Variants in CDH13 observed in about 807,000 individuals in gnomAD.
CDH13 encodes cadherin-13.
Under a neutral mutation model 63.8 loss-of-function variants are expected in CDH13, and 24 were observed. That is an observed-to-expected ratio of 0.38 (90% confidence interval 0.27 to 0.53). The LOEUF (loss-of-function observed/expected upper bound fraction) is 0.53. CDH13 is among the 20% of genes least tolerant of loss of function. The probability of loss-of-function intolerance (pLI) is 0.85; values close to 1 mark genes in which losing one functional copy is unlikely to be tolerated. For synonymous variants in CDH13, 503 were observed against 355.3 expected (o/e 1.42, Z -4.67); for missense variants, 1,049 against 903.1 (o/e 1.16, Z -2.07).
chr16:83,179,288 ATTATCTCC>A (rs1567481865), intron 4 of CDH13, among the ~76,000 whole-genome samples: 1 of 152,072 alleles, frequency 6.6e-6, no homozygotes, highest in Non-Finnish European at 1.5e-5. Context: ...ACTACAAGCT[ATTATCTCC>A]TTAAATCTCT....
intron 2 of CDH13, among the ~76,000 whole-genome samples, chr16:82,930,583 C>T (rs369135383): frequency 6.4e-4 from 98 of 152,050 alleles, no homozygotes; most frequent in African/African-American, 2.3e-3. Context: ...CTCTTCAGAG[C>T]CATAATTGCA....
At chr16:82,628,535 G>T (rs1907632082) in intron 1 of CDH13, among the ~76,000 whole-genome samples, 1 of 152,142 alleles carries the variant, frequency 6.6e-6, no homozygotes, top group Admixed American at 6.5e-5. Context: ...AGTACCAGGG[G>T]AGATTCAAGT....
At chr16:83,374,644 A>T (rs956603642) in intron 6 of CDH13, among the ~76,000 whole-genome samples, 1 of 152,246 alleles carries the variant, frequency 6.6e-6, no homozygotes, top group Non-Finnish European at 1.5e-5. Context: ...TCGAGGCGGA[A>T]GAAGCTTAAA....
At chr16:82,902,637 A>G (rs552528726) in intron 2 of CDH13, among the ~76,000 whole-genome samples, 8 of 149,168 alleles carry the variant, frequency 5.4e-5, no homozygotes, top group African/African-American at 2.0e-4. Flanking sequence ...CTACAACTCT[A>G]CCTATACATT....
chr16:83,210,955 C>A (rs1321679349), intron 4 of CDH13, among the ~76,000 whole-genome samples: 5 of 151,762 alleles, frequency 3.3e-5, no homozygotes, highest in Non-Finnish European at 7.4e-5. Context: ...TGAGACCATC[C>A]TGGCTAACAC....
intron 3 of CDH13, among the ~76,000 whole-genome samples, chr16:83,042,387 T>G (rs1369726410): frequency 6.6e-6 from 1 of 152,164 alleles, no homozygotes; most frequent in African/African-American, 2.4e-5. Context: ...GAGATCTAGG[T>G]TGCACCCTCC....
At chr16:82,702,183 A>G (rs1335519542) in intron 1 of CDH13, among the ~76,000 whole-genome samples, 6 of 152,014 alleles carry the variant, frequency 3.9e-5, no homozygotes. Context: ...CTTGCCTGAA[A>G]CACCCTCTGT....
chr16:83,311,806 G>A (rs2090006275), intron 5 of CDH13, among the ~76,000 whole-genome samples: 1 of 152,190 alleles, frequency 6.6e-6, no homozygotes, highest in African/African-American at 2.4e-5. Context: ...CAGGTGCAGT[G>A]GCTCACGCCT....
intron 5 of CDH13, among the ~76,000 whole-genome samples, chr16:83,286,498 G>A (rs930551879): frequency 2.6e-5 from 4 of 152,068 alleles, no homozygotes; most frequent in African/African-American, 9.7e-5. Flanking sequence ...CTTCACACCT[G>A]TAATCCCAGC....
At chr16:83,075,612 G>A (rs370717214) in intron 3 of CDH13, among the ~76,000 whole-genome samples, 1 of 152,210 alleles carries the variant, frequency 6.6e-6, no homozygotes, top group African/African-American at 2.4e-5. Flanking sequence ...TTGATGTTCT[G>A]TGTGAGGTGG....
intron 3 of CDH13, among the ~76,000 whole-genome samples, chr16:83,052,424 ATATGT>A (rs2151507139): frequency 6.6e-6 from 1 of 152,346 alleles, no homozygotes; most frequent in South Asian, 2.1e-4. Flanking sequence ...TTCATAGCAA[ATATGT>A]TATGACAAAC....
chr16:83,713,338 C>A (rs1908352024), intron 10 of CDH13, among the ~76,000 whole-genome samples: 1 of 152,202 alleles, frequency 6.6e-6, no homozygotes, highest in African/African-American at 2.4e-5. Context: ...CCTCCCACCC[C>A]ACATTTTTCC....
chr16:82,695,237 A>G (rs977969345), intron 1 of CDH13, among the ~76,000 whole-genome samples: 2 of 152,174 alleles, frequency 1.3e-5, no homozygotes, highest in African/African-American at 4.8e-5. Context: ...AGGGAGATAC[A>G]GTATTTAGAG....
intron 7 of CDH13, among the ~76,000 whole-genome samples, chr16:83,561,724 C>T (rs1309760749): frequency 6.6e-6 from 1 of 152,092 alleles, no homozygotes; most frequent in African/African-American, 2.4e-5. Context: ...AGATAATGTA[C>T]CTGAATTTCT....
intron 3 of CDH13, among the ~76,000 whole-genome samples, chr16:83,076,150 A>G (rs1275076061): frequency 6.6e-6 from 1 of 152,206 alleles, no homozygotes; most frequent in East Asian, 1.9e-4. Context: ...AGTGGCCCAT[A>G]TGGGTATCAA....
At chr16:83,709,002 C>A (rs572181993) in intron 10 of CDH13, among the ~76,000 whole-genome samples, 62 of 152,096 alleles carry the variant, frequency 4.1e-4, no homozygotes, top group African/African-American at 1.5e-3. Context: ...CTAGTCTGGG[C>A]AACAGAGCGA....
intron 1 of CDH13, among the ~76,000 whole-genome samples, chr16:82,702,118 C>T (rs1377021629): frequency 6.6e-6 from 1 of 152,178 alleles, no homozygotes; most frequent in Non-Finnish European, 1.5e-5. Flanking sequence ...CTCTAAATGG[C>T]TCCTTTTCTG....
intron 8 of CDH13, among the ~76,000 whole-genome samples, chr16:83,653,087 G>A (rs1005889229): frequency 1.3e-5 from 2 of 152,148 alleles, no homozygotes; most frequent in Non-Finnish European, 2.9e-5. Context: ...TCTATGAAAT[G>A]TCCAGAACAG....
At chr16:82,842,311 G>T (rs977407039) in intron 1 of CDH13, among the ~76,000 whole-genome samples, 1 of 151,486 alleles carries the variant, frequency 6.6e-6, no homozygotes, top group East Asian at 1.9e-4. Context: ...GAGTCCTTCT[G>T]AGTAGTAACC....
Sources: allele counts gnomAD v4.1 joint callset (sites outside exome capture counted in the v4.1 genomes callset), GRCh38; gene constraint gnomAD v4.1.1; transcripts MANE v1.5; gene names NCBI Gene and HGNC (gene_info 2026-07-23, HGNC 2026-07-21).